The following ZNF407 variants were observed in gnomAD, a reference collection of about 807,000 sequenced individuals.
ZNF407 encodes zinc finger protein 407.
ZNF407 carries 17 observed loss-of-function variants against 131.2 expected under a neutral mutation model. That is an observed-to-expected ratio of 0.13 (90% confidence interval 0.09 to 0.19). ZNF407 has a LOEUF of 0.19. ZNF407 is among the 10% of genes least tolerant of loss of function. The pLI is 1.00. For synonymous variants in ZNF407, 1,156 were observed against 1,062.0 expected (o/e 1.09, Z -1.72); for missense variants, 2,681 against 2,830.6 (o/e 0.95, Z 1.20).
intron 7 of ZNF407, among the ~76,000 whole-genome samples, chr18:74,917,543 C>T (rs1485164612): frequency 6.6e-6 from 1 of 152,110 alleles, no homozygotes; most frequent in Non-Finnish European, 1.5e-5. Context: ...CTCCCTTTGT[C>T]CCCATATACG....
intron 4 of ZNF407, among the ~76,000 whole-genome samples, chr18:74,842,040 T>C (rs763479037): frequency 6.6e-5 from 10 of 152,254 alleles, no homozygotes; most frequent in South Asian, 6.2e-4. Context: ...TAAGATAGCT[T>C]AGTCTTACAT....
intron 8 of ZNF407, among the ~76,000 whole-genome samples, chr18:75,037,360 A>T (rs58278188): frequency 0.018 from 2,695 of 152,154 alleles, 67 homozygotes; most frequent in African/African-American, 0.062. Flanking sequence ...CCTTTTTCTT[A>T]ATCACACACC....
chr18:74,718,088 C>T (rs1229285644), intron 3 of ZNF407, among the ~76,000 whole-genome samples: 1 of 152,038 alleles, frequency 6.6e-6, no homozygotes, highest in African/African-American at 2.4e-5. Context: ...TAAACAGCAT[C>T]CTTTTAAAGT....
intron 3 of ZNF407, among the ~76,000 whole-genome samples, chr18:74,687,536 T>C (rs1967124110): frequency 6.6e-6 from 1 of 152,180 alleles, no homozygotes; most frequent in Non-Finnish European, 1.5e-5. Context: ...TATTATCCTT[T>C]AATAGTTTTG....
At chr18:74,782,822 T>G (rs1969632274) in intron 4 of ZNF407, among the ~76,000 whole-genome samples, 1 of 152,148 alleles carries the variant, frequency 6.6e-6, no homozygotes, top group Non-Finnish European at 1.5e-5. Flanking sequence ...GGTTTCACTG[T>G]GTTGGCCAGG....
chr18:74,741,530 T>A (rs902688532), intron 3 of ZNF407, among the ~76,000 whole-genome samples: 3 of 152,032 alleles, frequency 2.0e-5, no homozygotes, highest in African/African-American at 7.2e-5. Flanking sequence ...CTGAATAAAA[T>A]TGATGAAAGG....
Position 74,943,603 on chromosome 18 carries a change from A to G in ZNF407, c.5428+22911A>G, listed in dbSNP as rs554317570. Among the ~76,000 whole-genome samples the G allele has an allele frequency of 3.9e-5, 6 of 152,366 alleles. No homozygotes were observed. The East Asian group carries it at 1.2e-3, about 29-fold the overall frequency. ...TTTGAATTTACATTATTAGTTGATC[A>G]ATACGTTAGACTGTTTGGTGAAATT... On this transcript the variant is annotated intron_variant, in intron 8 of 8. Transcript: ENST00000299687.
chr18:74,911,463 TGTAA>T (rs1191786308), intron 7 of ZNF407, among the ~76,000 whole-genome samples: 1 of 152,240 alleles, frequency 6.6e-6, no homozygotes, highest in African/African-American at 2.4e-5. Context: ...AGATATGTGG[TGTAA>T]GTCTCTGTTT....
rs189147926 is a variant in ZNF407 at position 74,684,766 on chromosome 18, C to T, written c.4802+43644C>T. Among the ~76,000 whole-genome samples the T allele has an allele frequency of 5.9e-5, 9 of 152,230 alleles. No individual in the cohort carries two copies. The East Asian group carries it at 1.2e-3, about 20-fold the overall frequency. On this transcript the variant is annotated intron_variant, in intron 3 of 8. Transcript: ENST00000299687. Reference sequence around the variant, plus strand: ...CTCTTTGTTTAATGAATTACCTTCACGTGAGTTCGAACTTTAGTTATCTAG... The same window carrying T: ...CTCTTTGTTTAATGAATTACCTTCATGTGAGTTCGAACTTTAGTTATCTAG...
chr18:74,679,168 AG>A (rs1188052807), intron 3 of ZNF407, among the ~76,000 whole-genome samples: 1 of 152,232 alleles, frequency 6.6e-6, no homozygotes, highest in East Asian at 1.9e-4. Flanking sequence ...ATTAGAACCA[AG>A]GGCACAGGAA....
intron 4 of ZNF407, among the ~76,000 whole-genome samples, chr18:74,842,563 G>A (rs1186294043): frequency 6.6e-6 from 1 of 151,444 alleles, no homozygotes; most frequent in East Asian, 1.9e-4. Flanking sequence ...TTGAAAAACA[G>A]TGACGCCTTT....
intron 1 of ZNF407, among the ~76,000 whole-genome samples, chr18:74,604,627 C>T (rs1982720844): frequency 6.6e-6 from 1 of 152,186 alleles, no homozygotes; most frequent in Non-Finnish European, 1.5e-5. Context: ...CCATAGGGAG[C>T]AAGTGTTTTT....
chr18:74,678,643 AT>A (rs1287561404), intron 3 of ZNF407, among the ~76,000 whole-genome samples: 1 of 152,172 alleles, frequency 6.6e-6, no homozygotes, highest in East Asian at 1.9e-4. Context: ...TCAGTCACAC[AT>A]TTTAAATAGT....
chr18:74,851,579 G>A (rs1460399857), intron 4 of ZNF407, among the ~76,000 whole-genome samples: 2 of 152,208 alleles, frequency 1.3e-5, no homozygotes, highest in Non-Finnish European at 2.9e-5. Flanking sequence ...TGGTCCTGGT[G>A]ACCAAGATTA....
chr18:74,898,668 C>A (rs1971484075), intron 7 of ZNF407, among the ~76,000 whole-genome samples: 2 of 152,024 alleles, frequency 1.3e-5, no homozygotes, highest in African/African-American at 4.8e-5. Context: ...AGCTAGGGCA[C>A]CATTTGGAGA....
In ZNF407 at chr18:74,920,607, G is replaced by T. The variant is rs766600453; in HGVS notation, c.5343G>T (p.Gly1781=). Residue 1781 remains glycine (G), a synonymous_variant, in exon 8 of 9, where the codon GGG becomes GGT. Coordinates refer to ENST00000299687, the MANE Select transcript of ZNF407 (RefSeq NM_017757.3). ...ACAACTGTCCCAAGTGTGACTACGG[G>T]ACCAACGTCCCGGTGGAGTTCCGGA... The part of the protein sequence containing the change: ...KMYNCPKCDY[G]TNVPVEFRNH... The T allele has an allele frequency of 6.2e-7, 1 of 1,611,384 alleles. No individual in the cohort carries two copies. Among genetic ancestry groups the T allele is most frequent in the East Asian group, 2.2e-5 (1 of 44,834 alleles).
chr18:74,749,857 A>G (rs1968757546), intron 3 of ZNF407, among the ~76,000 whole-genome samples: 1 of 152,224 alleles, frequency 6.6e-6, no homozygotes, highest in African/African-American at 2.4e-5. Context: ...AAGGAAATTA[A>G]AGAAGTATGA....
intron 4 of ZNF407, among the ~76,000 whole-genome samples, chr18:74,852,164 TACACACACACACACAC>T (rs10539805): frequency 3.3e-5 from 5 of 149,560 alleles, no homozygotes; most frequent in African/African-American, 9.8e-5. Flanking sequence ...GGATGCATGC[TACACACACACACACAC>T]ACACACACAC....
chr18:74,627,777 T>TC, intron 1 of ZNF407, among the ~76,000 whole-genome samples: 4 of 126,574 alleles, frequency 3.2e-5, no homozygotes, highest in African/African-American at 1.5e-4. Flanking sequence ...GTTTTCTCTC[T>TC]TTCTCTCTCT....
Sources: allele counts gnomAD v4.1 joint callset (sites outside exome capture counted in the v4.1 genomes callset), GRCh38; gene constraint gnomAD v4.1.1; transcripts MANE v1.5; gene names NCBI Gene and HGNC (gene_info 2026-07-23, HGNC 2026-07-21).